KAZN: variants seen among roughly 807,000 people sequenced by gnomAD.
KAZN encodes the protein kazrin.
A neutral mutation model predicts 87.4 loss-of-function variants in KAZN; 40 were observed. That is an observed-to-expected ratio of 0.46 (90% confidence interval 0.36 to 0.60). The LOEUF is 0.60. Ranked by LOEUF, KAZN falls within the 20% of genes least tolerant of loss-of-function variation. The probability of loss-of-function intolerance (pLI) is 0.00; values close to 1 mark genes in which losing one functional copy is unlikely to be tolerated. For synonymous variants in KAZN, 466 were observed against 458.3 expected, an observed-to-expected ratio of 1.02 and a Z score of -0.22; for missense variants, 898 against 1,073.9, an observed-to-expected ratio of 0.84 and a Z score of 2.29.
intron 1 of KAZN, among the ~76,000 whole-genome samples, chr1:14,078,929 GC>G (rs1643566660): frequency 6.6e-6 from 1 of 152,106 alleles, no homozygotes; most frequent in Non-Finnish European, 1.5e-5. Context: ...AGGGTGATCC[GC>G]CCACCTCAGC....
intron 1 of KAZN, among the ~76,000 whole-genome samples, chr1:14,878,279 C>T (rs1031383595): frequency 2.6e-5 from 4 of 152,106 alleles, no homozygotes; most frequent in South Asian, 2.1e-4. Flanking sequence ...ACCTTGTTGG[C>T]ATTTGGAGTT....
chr1:14,954,133 A>G (rs1662808230), intron 1 of KAZN, among the ~76,000 whole-genome samples: 1 of 152,146 alleles, frequency 6.6e-6, no homozygotes, highest in Non-Finnish European at 1.5e-5. Context: ...GCCAGCTGGT[A>G]TCATTATCCC....
intron 1 of KAZN, among the ~76,000 whole-genome samples, chr1:14,893,944 A>T (rs1331112478): frequency 6.6e-6 from 1 of 152,114 alleles, no homozygotes; most frequent in Non-Finnish European, 1.5e-5. Context: ...TGGCAGCCGG[A>T]GCCCGGCTCC....
At chr1:15,048,612 C>CCTGGGTCGTCGGTCCTGGGTCGT (rs1557754182) in intron 4 of KAZN, among the ~76,000 whole-genome samples, 1 of 80,000 alleles carries the variant, frequency 1.3e-5, no homozygotes, top group Non-Finnish European at 2.4e-5. Context: ...TCCTGGGTCG[C>CCTGGGTCGTCGGTCCTGGGTCGT]TGGTCCTGGG....
intron 2 of KAZN, among the ~76,000 whole-genome samples, chr1:14,363,485 A>C (rs1659694638): frequency 6.6e-6 from 1 of 152,196 alleles, no homozygotes; most frequent in African/African-American, 2.4e-5. Context: ...ACATGGGAGG[A>C]ACACAGAAGT....
At chr1:14,107,654 G>A (rs764641924) in intron 1 of KAZN, among the ~76,000 whole-genome samples, 2 of 152,182 alleles carry the variant, frequency 1.3e-5, no homozygotes, top group Non-Finnish European at 2.9e-5. Flanking sequence ...GTGAGATGTA[G>A]GGATGAGTCT....
intron 8 of KAZN, among the ~76,000 whole-genome samples, chr1:15,068,746 G>T (rs1354026654): frequency 3.3e-5 from 5 of 151,908 alleles, no homozygotes; most frequent in Non-Finnish European, 1.5e-5. Flanking sequence ...AGGGTACCCG[G>T]GTTACCCCAA....
chr1:14,785,885 G>T (rs912947002), intron 1 of KAZN, among the ~76,000 whole-genome samples: 1 of 152,112 alleles, frequency 6.6e-6, no homozygotes, highest in South Asian at 2.1e-4. Context: ...GAAGGCATAC[G>T]CTTCCAAACC....
intron 3 of KAZN, among the ~76,000 whole-genome samples, chr1:15,037,023 G>A (rs12129717): frequency 0.26 from 39,277 of 151,530 alleles, 5,479 homozygotes; most frequent in African/African-American, 0.34. Flanking sequence ...TGTGCAGCGC[G>A]CCTCTTCCCC....
chr1:14,996,799 C>A lies in KAZN; in HGVS notation c.418+35924C>A, dbSNP rs959013606. 2.0e-5 allele frequency among the ~76,000 whole-genome samples: 3 copies of A among 152,214 alleles called. No homozygotes were observed. The highest frequency in any genetic ancestry group is 6.5e-5 in the Admixed American group (1 of 15,284). The stretch of plus-strand genomic sequence containing the variant: ...CAGGAAGACACACCACGGAGCCTCC[C>A]CGCTCCTGGTGCTCCAGGGCCTGCA... On this transcript the variant is annotated intron_variant, in intron 2 of 14. Transcript: ENST00000376030. This position sits in a 1 kb window ranked among gnomAD's most constrained non-coding sequence, Gnocchi z 5.9.
At chr1:14,653,593 A>T (rs1352791450) in intron 1 of KAZN, among the ~76,000 whole-genome samples, 1 of 152,200 alleles carries the variant, frequency 6.6e-6, no homozygotes, top group African/African-American at 2.4e-5. Flanking sequence ...GTTTAAAAGG[A>T]TGAAAAACAA....
At chr1:14,676,125 T>C (rs1372336108) in intron 1 of KAZN, among the ~76,000 whole-genome samples, 2 of 152,220 alleles carry the variant, frequency 1.3e-5, no homozygotes, top group African/African-American at 2.4e-5. Context: ...TTCCTGGTTT[T>C]TTTTCCGGTT....
intron 1 of KAZN, among the ~76,000 whole-genome samples, chr1:14,921,355 G>A (rs911033696): frequency 2.0e-5 from 3 of 152,152 alleles, no homozygotes; most frequent in Non-Finnish European, 2.9e-5. Context: ...ATGGTCCCTG[G>A]TGGCCAATGG....
intron 2 of KAZN, among the ~76,000 whole-genome samples, chr1:14,533,210 C>A (rs996424199): frequency 6.6e-6 from 1 of 152,150 alleles, no homozygotes; most frequent in Non-Finnish European, 1.5e-5. Flanking sequence ...GCATTTCACA[C>A]TGAGTTATGA....
intron 1 of KAZN, among the ~76,000 whole-genome samples, chr1:14,929,580 C>T (rs926236698): frequency 2.6e-5 from 4 of 152,158 alleles, no homozygotes; most frequent in Admixed American, 6.5e-5. Context: ...TGCATGTAGA[C>T]AGATTTTAGT....
At chr1:15,003,294 T>C (rs1010204592) in intron 2 of KAZN, among the ~76,000 whole-genome samples, 5 of 152,218 alleles carry the variant, frequency 3.3e-5, no homozygotes, top group African/African-American at 1.2e-4. Context: ...GCCGGTTAGC[T>C]GTTTTCATCT....
intron 2 of KAZN, among the ~76,000 whole-genome samples, chr1:14,197,558 C>G (rs572866358): frequency 2.0e-5 from 3 of 151,842 alleles, no homozygotes; most frequent in Non-Finnish European, 4.4e-5. Flanking sequence ...CGTGGTGGCA[C>G]GTGCCTGTAA....
chr1:15,002,041 T>C (rs1668539298), intron 2 of KAZN, among the ~76,000 whole-genome samples: 1 of 151,678 alleles, frequency 6.6e-6, no homozygotes, highest in Admixed American at 6.6e-5. Context: ...CCACCACACC[T>C]GGCTAATTTT....
At chr1:14,651,947 C>T (rs1638408168) in intron 1 of KAZN, among the ~76,000 whole-genome samples, 1 of 152,214 alleles carries the variant, frequency 6.6e-6, no homozygotes, top group African/African-American at 2.4e-5. Flanking sequence ...GAAATAGTCC[C>T]TGTAAGGGGA....
Sources: allele counts gnomAD v4.1 joint callset (sites outside exome capture counted in the v4.1 genomes callset), GRCh38; gene constraint gnomAD v4.1.1; non-coding constraint Gnocchi (gnomAD v3.1); transcripts MANE v1.5; gene names NCBI Gene and HGNC (gene_info 2026-07-23, HGNC 2026-07-21).